SMG6: variants seen among roughly 807,000 people sequenced by gnomAD.
The protein encoded by SMG6 is telomerase-binding protein EST1A.
Under a neutral mutation model 142.2 loss-of-function variants are expected in SMG6, and 66 were observed. That is an observed-to-expected ratio of 0.46 (90% confidence interval 0.38 to 0.57). The LOEUF is 0.57. Among genes scored for constraint, SMG6 ranks in the 20% least tolerant of loss-of-function variants. The pLI is 0.00. For missense variants in SMG6, 1,793 were observed against 1,832.0 expected (o/e 0.98, Z 0.39); for synonymous variants, 779 against 702.4 (o/e 1.11, Z -1.72).
chr17:2,126,281 C>T (rs72815328), intron 13 of SMG6, among the ~76,000 whole-genome samples: 10,565 of 152,008 alleles, frequency 0.07, 543 homozygotes, highest in Admixed American at 0.098. Flanking sequence ...TACCTAAGAC[C>T]ATATACAAAA....
chr17:2,175,947 A>G (rs994782482), intron 12 of SMG6, among the ~76,000 whole-genome samples: 11 of 152,178 alleles, frequency 7.2e-5, no homozygotes, highest in Admixed American at 3.3e-4. Context: ...TTCATCGAAC[A>G]CCACAGACAT....
At chr17:2,178,990 G>C (rs908726643) in intron 12 of SMG6, among the ~76,000 whole-genome samples, 1 of 152,216 alleles carries the variant, frequency 6.6e-6, no homozygotes, top group African/African-American at 2.4e-5. Context: ...CCCTGCTGGG[G>C]TCAGACTGGA....
intron 13 of SMG6, among the ~76,000 whole-genome samples, chr17:2,116,107 G>A (rs1338611886): frequency 6.6e-6 from 1 of 152,050 alleles, no homozygotes; most frequent in African/African-American, 2.4e-5. Context: ...ATCTCGCTGT[G>A]TTGCCCAGGC....
chr17:2,192,147 G>A (rs1041788939), intron 10 of SMG6, among the ~76,000 whole-genome samples: 1 of 152,256 alleles, frequency 6.6e-6, no homozygotes, highest in Non-Finnish European at 1.5e-5. Flanking sequence ...GGGGCGGAGA[G>A]GGAAGAGCAG....
intron 8 of SMG6, chr17:2,265,889 A>G (rs930071804): frequency 3.1e-6 from 2 of 640,138 alleles, no homozygotes; most frequent in Non-Finnish European, 3.9e-6. Flanking sequence ...GCATATGACA[A>G]TCTTAAAGAA....
chr17:2,158,860 C>CA (rs1156515446), intron 13 of SMG6, among the ~76,000 whole-genome samples: 1,222 of 31,994 alleles, frequency 0.038, 77 homozygotes, highest in African/African-American at 0.11. Flanking sequence ...GACCCTGTTT[C>CA]AAAAAAAAAA....
intron 1 of SMG6, chr17:2,303,379 T>C (rs1427782909): frequency 6.5e-6 from 8 of 1,233,560 alleles, no homozygotes; most frequent in Non-Finnish European, 8.1e-6. Flanking sequence ...ACAGTCACCT[T>C]CGCGGCGAGA....
At chr17:2,166,548 C>A (rs575167456) in intron 13 of SMG6, among the ~76,000 whole-genome samples, 1 of 152,188 alleles carries the variant, frequency 6.6e-6, no homozygotes, top group Non-Finnish European at 1.5e-5. Context: ...GCCTAGACGG[C>A]CAGGGCTGAA....
intron 8 of SMG6, among the ~76,000 whole-genome samples, chr17:2,248,991 A>G (rs1027319939): frequency 6.6e-6 from 1 of 151,126 alleles, no homozygotes. Flanking sequence ...GGTTCACGCC[A>G]TTCTCCTGTC....
rs200541778 is a variant in SMG6, at chr17:2,182,314, TTG to T, written c.3155+4347_3155+4348del. On this transcript the variant is annotated intron_variant, in intron 12 of 18. Coordinates refer to ENST00000263073, the MANE Select transcript of SMG6 (RefSeq NM_017575.5). ...CTGGCCAGCAGATCCGTCAGTTCCTTTGTGTGGCCCCAGCTGCACAGCTTGGA... is the reference window on the plus strand; with the variant it reads ...CTGGCCAGCAGATCCGTCAGTTCCTTTGTGGCCCCAGCTGCACAGCTTGGA... Among the ~76,000 whole-genome samples, 390 of 152,280 alleles carry T rather than the reference TTG, an allele frequency of 2.6e-3. 2 individuals are homozygous for T. The highest frequency in any genetic ancestry group is 8.9e-3 in the African/African-American group (371 of 41,560).
intron 1 of SMG6, among the ~76,000 whole-genome samples, chr17:2,302,238 G>C (rs964950124): frequency 3.3e-5 from 5 of 151,196 alleles, no homozygotes; most frequent in Non-Finnish European, 5.9e-5. Context: ...GGAAGACAGA[G>C]TGAGACCCTG....
intron 10 of SMG6, among the ~76,000 whole-genome samples, chr17:2,228,954 C>T (rs1244724111): frequency 6.6e-6 from 1 of 152,094 alleles, no homozygotes; most frequent in Admixed American, 6.6e-5. Flanking sequence ...CTACCTTCCC[C>T]CCAGGCCACA....
At chr17:2,241,839 A>G (rs1463839087) in intron 9 of SMG6, among the ~76,000 whole-genome samples, 4 of 152,260 alleles carry the variant, frequency 2.6e-5, no homozygotes, top group African/African-American at 9.6e-5. Flanking sequence ...ATGTTCCTAC[A>G]TTCTGCACCA....
intron 1 of SMG6, among the ~76,000 whole-genome samples, chr17:2,301,566 GGC>G (rs1256189735): frequency 6.7e-6 from 1 of 149,192 alleles, no homozygotes; most frequent in Non-Finnish European, 1.5e-5. Context: ...CTCTCGGCCG[GGC>G]GCGGTGGGTC....
chr17:2,092,611 C>T (rs149211149), intron 13 of SMG6, among the ~76,000 whole-genome samples: 4 of 152,214 alleles, frequency 2.6e-5, no homozygotes, highest in South Asian at 4.1e-4. Flanking sequence ...AAAAGGTACA[C>T]GTATATTTGG....
At chr17:2,143,744 TTGATTAAAATTTAA>T (rs1271112397) in intron 13 of SMG6, among the ~76,000 whole-genome samples, 2 of 152,218 alleles carry the variant, frequency 1.3e-5, no homozygotes, top group Non-Finnish European at 2.9e-5. Context: ...TCTCAATAAA[TTGATTAAAATTTAA>T]AAAGGGTATT....
At chr17:2,216,760 G>C (rs960589834) in intron 10 of SMG6, among the ~76,000 whole-genome samples, 1 of 152,176 alleles carries the variant, frequency 6.6e-6, no homozygotes, top group African/African-American at 2.4e-5. Flanking sequence ...TCCCCATGGA[G>C]ACATACTCTA....
intron 6 of SMG6, among the ~76,000 whole-genome samples, chr17:2,288,139 C>A (rs979731455): frequency 1.3e-5 from 2 of 151,730 alleles, no homozygotes; most frequent in African/African-American, 4.8e-5. Flanking sequence ...CATGGTGAAA[C>A]CCCATCTGCA....
chr17:2,137,360 C>T (rs959832217), intron 13 of SMG6, among the ~76,000 whole-genome samples: 4 of 152,114 alleles, frequency 2.6e-5, no homozygotes, highest in Non-Finnish European at 4.4e-5. Flanking sequence ...AACAAACACC[C>T]TAACCTTGAT....
Sources: gnomAD v4.1 joint callset for allele counts (sites outside exome capture counted in the v4.1 genomes callset) on GRCh38, gnomAD v4.1.1 for gene constraint, MANE v1.5 for transcripts, NCBI Gene and HGNC (gene_info 2026-07-23, HGNC 2026-07-21) for gene names.